The following UGT2B4 variants were observed in gnomAD, a reference collection of about 807,000 sequenced individuals.
The protein encoded by UGT2B4 is UDP-glucuronosyltransferase 2B4.
UGT2B4 carries 49 observed loss-of-function variants against 49.8 expected under a neutral mutation model. That is an observed-to-expected ratio of 0.98 (90% CI 0.78 to 1.25). UGT2B4 has a LOEUF of 1.25. Among genes scored for constraint, UGT2B4 ranks in the 50% most tolerant of loss-of-function variants. The probability of loss-of-function intolerance (pLI) is 0.00; values close to 1 mark genes in which losing one functional copy is unlikely to be tolerated. For missense variants in UGT2B4, 729 were observed against 627.7 expected (o/e 1.16, Z -1.73); for synonymous variants, 246 against 217.7 (o/e 1.13, Z -1.14).
At chr4:69,500,262 C>A (rs1728266469), upstream of UGT2B4, among the ~76,000 whole-genome samples, 1 of 151,986 alleles carries the variant, frequency 6.6e-6, no homozygotes, top group African/African-American at 2.4e-5. Context: ...GAAGGGAGGG[C>A]ATCAGGATAA....
Position 69,495,562 on chromosome 4 carries a change from A to G in UGT2B4, c.300T>C (p.Leu100=). 6.2e-7 allele frequency: 1 copy of G among 1,613,824 alleles called. No homozygotes were observed. Among genetic ancestry groups the G allele is most frequent in the Non-Finnish European group, 8.5e-7 (1 of 1,179,908 alleles). ...IKQLVKRWAE[L]PKDTFWSYFS... is the part of the protein sequence containing the mutation. The stretch of plus-strand genomic sequence containing the variant: ...AATATGACCAAAATGTGTCTTTTGG[A>G]AGTTCTGCCCATCTCTTAACCAGCT... The change falls in exon 1 of 6, where the codon CTT becomes CTC. Residue 100 remains leucine (L), a synonymous_variant. Transcript: ENST00000305107.
At chr4:69,487,205 T>C (rs1365638965) in intron 3 of UGT2B4, among the ~76,000 whole-genome samples, 2 of 152,202 alleles carry the variant, frequency 1.3e-5, no homozygotes, top group Non-Finnish European at 2.9e-5. Context: ...AGAAATACCA[T>C]TCAACCCAGC....
intron 3 of UGT2B4, 31 bp downstream of exon 3, chr4:69,489,408 T>G: frequency 6.2e-7 from 1 of 1,603,894 alleles, no homozygotes; most frequent in Non-Finnish European, 8.5e-7. Context: ...CTTTCAGTAG[T>G]TTTTTACACC....
At chr4:69,508,994 T>C (rs1190788663) in intron 1 of UGT2B4, among the ~76,000 whole-genome samples, 1 of 152,142 alleles carries the variant, frequency 6.6e-6, no homozygotes, top group Non-Finnish European at 1.5e-5. Flanking sequence ...TCTCTTTTCC[T>C]AGTCACTGGA....
chr4:69,485,164 AC>A, intron 5 of UGT2B4, 43 bp downstream of exon 5: 5 of 1,598,052 alleles, frequency 3.1e-6, no homozygotes, highest in Non-Finnish European at 4.3e-6. Flanking sequence ...TCACAAGGGA[AC>A]CTATCTATAA....
At chr4:69,501,542 A>G (rs960596346) in intron 1 of UGT2B4, among the ~76,000 whole-genome samples, 1 of 152,260 alleles carries the variant, frequency 6.6e-6, no homozygotes, top group African/African-American at 2.4e-5. Flanking sequence ...ATAGCCCAGC[A>G]CAGCAAAGCA....
rs565242908 is a variant in UGT2B4 at position 69,492,122 on chromosome 4, C to T, written c.870+1571G>A. On this transcript the variant is annotated intron_variant, in intron 2 of 5. Coordinates refer to ENST00000305107, the MANE Select transcript of UGT2B4 (RefSeq NM_021139.3). ...GTAAACTGAGGGCACGATTCAGATA[C>T]GAGTGGTAGAAATTATTTGGTCTTT... Among the ~76,000 whole-genome samples the T allele has an allele frequency of 1.5e-4, 23 of 152,008 alleles. No individual in the cohort carries two copies. In the South Asian group the frequency reaches 4.2e-3, roughly 28 times the overall value.
At position 69,495,455 on chromosome 4, in the gene UGT2B4, A is replaced by C. The variant is rs1406359860; in HGVS notation, c.407T>G (p.Leu136Arg). ...TCTTGACTCCTGTAGTTTCTTCATA[A>C]GTTTCTTATTTGAAACTATATCCTT... ...FCKDIVSNKK[L>R]MKKLQESRFD... Residue 136 changes from leucine (L) to arginine (R), a missense_variant, in exon 1 of 6, where the codon CTT becomes CGT. Coordinates refer to ENST00000305107, the MANE Select transcript of UGT2B4 (RefSeq NM_021139.3). The C allele has an allele frequency of 6.2e-7, 1 of 1,613,476 alleles. No individual in the cohort carries two copies. The highest frequency in any genetic ancestry group is 1.1e-5 in the South Asian group (1 of 91,048).
In UGT2B4 at chr4:69,480,816, G is replaced by A. The variant is rs200320318; in HGVS notation, c.1405C>T (p.Arg469Cys). ...RAVFWIEFVM[R>C]HKGAKHLRVA... ...CGAAGGTGCTTGGCTCCTTTATGGC[G>A]CATGACAAATTCAATCCAGAAGACT... The change falls in exon 6 of 6, where the codon CGC becomes TGC. Residue 469 changes from arginine (R) to cysteine (C), a missense_variant. Physicochemically the swap from Arg to Cys is radical, Grantham distance 180. Coordinates refer to ENST00000305107, the MANE Select transcript of UGT2B4 (RefSeq NM_021139.3). 5.6e-6 allele frequency: 9 copies of A among 1,613,872 alleles called. No individual in the cohort carries two copies. The Admixed American group carries it at 8.3e-5, about 15-fold the overall frequency.
At position 69,485,246 on chromosome 4, in the gene UGT2B4, G is replaced by A. The variant is rs375919634; in HGVS notation, c.1272C>T (p.Asp424=). The change falls in exon 5 of 6, where the codon GAC becomes GAT. Residue 424 remains aspartate, a synonymous_variant. Transcript: ENST00000305107. ...TTACTGTCTTCAGTGCATTGAGTAA[G>A]TCTGTACTCGACATTGTGTGGAAGT... ...SLDFHTMSST[D]LLNALKTVIN... is the part of the protein sequence containing the mutation. The A allele has an allele frequency of 2.7e-5, 44 of 1,613,806 alleles. No homozygotes were observed. In the African/African-American group the frequency reaches 3.2e-4, roughly 12 times the overall value.
In UGT2B4 at chr4:69,480,440, A is replaced by T; in HGVS notation, c.*194T>A. On this transcript the variant is annotated 3_prime_UTR_variant, in exon 6 of 6. Transcript: ENST00000305107. ...CTTTATATCATTTTTGTTTTCCCTA[A>T]TGTTTTCCTCCTTGACATGAAATAT... 1.3e-6 allele frequency: 1 copy of T among 745,688 alleles called. No individual in the cohort carries two copies. The highest frequency in any genetic ancestry group is 2.1e-6 in the Non-Finnish European group (1 of 484,456). The allele number at this position is 745,688 out of a possible 1,614,324, so 46.2% of individuals were successfully genotyped here. A position where few individuals can be genotyped will look rare whatever the true frequency, so the allele number is the denominator to read the frequency against.
chr4:69,506,876 A>G (rs1334303328), intron 1 of UGT2B4, among the ~76,000 whole-genome samples: 1 of 152,172 alleles, frequency 6.6e-6, no homozygotes, highest in African/African-American at 2.4e-5. Flanking sequence ...TTTATCCACC[A>G]TGATCAAGTA....
At chr4:69,508,170 G>T (rs560146613) in intron 1 of UGT2B4, among the ~76,000 whole-genome samples, 1 of 151,990 alleles carries the variant, frequency 6.6e-6, no homozygotes. Context: ...AGTTAGAATG[G>T]CTATTATTAA....
chr4:69,504,840 C>CAA (rs1242376134), intron 1 of UGT2B4, among the ~76,000 whole-genome samples: 1 of 151,776 alleles, frequency 6.6e-6, no homozygotes, highest in Non-Finnish European at 1.5e-5. Flanking sequence ...ACAAATGTTA[C>CAA]AGAAAGATAG....
At chr4:69,516,652 G>C (rs1728741141) in intron 1 of UGT2B4, among the ~76,000 whole-genome samples, 1 of 152,000 alleles carries the variant, frequency 6.6e-6, no homozygotes, top group Non-Finnish European at 1.5e-5. Flanking sequence ...TGTTGCCCAG[G>C]CTGGAGTGCA....
intron 2 of UGT2B4, among the ~76,000 whole-genome samples, chr4:69,490,149 A>G (rs912467247): frequency 6.6e-6 from 1 of 152,150 alleles, no homozygotes; most frequent in African/African-American, 2.4e-5. Flanking sequence ...GAGAAAAAAA[A>G]GTAGCTGTAA....
chr4:69,500,764 T>G (rs550834557), upstream of UGT2B4, among the ~76,000 whole-genome samples: 7 of 152,130 alleles, frequency 4.6e-5, no homozygotes, highest in African/African-American at 1.7e-4. Flanking sequence ...GATGAGTGAA[T>G]GTGCAACTCC....
intron 1 of UGT2B4, among the ~76,000 whole-genome samples, chr4:69,520,592 A>G (rs537552720): frequency 5.3e-5 from 8 of 152,216 alleles, no homozygotes; most frequent in African/African-American, 1.7e-4. Flanking sequence ...TCTGGGGTAG[A>G]GCAAAGTTGT....
chr4:69,481,946 C>T (rs1048343869), intron 5 of UGT2B4, among the ~76,000 whole-genome samples: 1 of 152,126 alleles, frequency 6.6e-6, no homozygotes, highest in Non-Finnish European at 1.5e-5. Context: ...AAGACTTTTG[C>T]CTGACTTTTC....
Sources: gnomAD v4.1 joint callset for allele counts (sites outside exome capture counted in the v4.1 genomes callset) on GRCh38, gnomAD v4.1.1 for gene constraint, MANE v1.5 for transcripts, NCBI Gene and HGNC (gene_info 2026-07-23, HGNC 2026-07-21) for gene names.